ITPR1: variants seen among roughly 807,000 people sequenced by gnomAD.
ITPR1 encodes inositol 1,4,5-trisphosphate-gated calcium channel ITPR1.
A neutral mutation model predicts 318.4 loss-of-function variants in ITPR1; 96 were observed. The ratio of observed to expected loss-of-function variants is 0.30; its 90% CI spans 0.26 to 0.36. The LOEUF is 0.36. Ranked by LOEUF, ITPR1 falls within the 10% of genes least tolerant of loss-of-function variation. The probability of loss-of-function intolerance (pLI) is 1.00; values close to 1 mark genes in which losing one functional copy is unlikely to be tolerated. For synonymous variants in ITPR1, 1,312 were observed against 1,289.9 expected (o/e 1.02, Z -0.37); for missense variants, 2,440 against 3,460.2 (o/e 0.71, Z 7.40).
intron 4 of ITPR1, among the ~76,000 whole-genome samples, chr3:4,528,248 G>A (rs1261691091): frequency 5.3e-5 from 8 of 152,158 alleles, no homozygotes; most frequent in South Asian, 2.1e-4. Context: ...TATTAGTGGC[G>A]GAAACAGGCA....
At chr3:4,652,826 G>A (rs964753522) in intron 11 of ITPR1, among the ~76,000 whole-genome samples, 4 of 152,026 alleles carry the variant, frequency 2.6e-5, no homozygotes, top group Admixed American at 6.6e-5. Context: ...GTGAAACCCC[G>A]TCTCTACAAA....
At chr3:4,521,230 T>A in intron 4 of ITPR1, 136 bp downstream of exon 4, 1 of 654,246 alleles carries the variant, frequency 1.5e-6, no homozygotes, top group Non-Finnish European at 2.7e-6. Context: ...TGATTTGAGT[T>A]CTAAGCTTTA....
At chr3:4,649,554 T>G (rs903899703) in intron 10 of ITPR1, among the ~76,000 whole-genome samples, 3 of 152,210 alleles carry the variant, frequency 2.0e-5, no homozygotes, top group Non-Finnish European at 4.4e-5. Context: ...CTAATCTACT[T>G]CCTATCTCTG....
chr3:4,498,912 T>G (rs900236877), intron 2 of ITPR1, among the ~76,000 whole-genome samples: 1 of 152,236 alleles, frequency 6.6e-6, no homozygotes, highest in Non-Finnish European at 1.5e-5. Flanking sequence ...AATTAGAAGC[T>G]TCACATCAGT....
intron 2 of ITPR1, among the ~76,000 whole-genome samples, chr3:4,509,004 G>C (rs188405364): frequency 3.2e-4 from 49 of 152,322 alleles, no homozygotes; most frequent in African/African-American, 1.2e-3. Flanking sequence ...ACAGGACAGA[G>C]GTGAGTGAAG....
chr3:4,739,129 C>T (rs925299293), intron 44 of ITPR1, among the ~76,000 whole-genome samples: 1 of 152,194 alleles, frequency 6.6e-6, no homozygotes, highest in African/African-American at 2.4e-5. Context: ...AACCTTGAAG[C>T]CCCAGGGGGA....
intron 4 of ITPR1, among the ~76,000 whole-genome samples, chr3:4,611,982 C>G (rs1264752259): frequency 6.6e-6 from 1 of 151,634 alleles, no homozygotes; most frequent in East Asian, 1.9e-4. Flanking sequence ...CAAAAATACT[C>G]AGAAACCACC....
chr3:4,701,979 G>A (rs1176142697), intron 35 of ITPR1, among the ~76,000 whole-genome samples: 5 of 151,680 alleles, frequency 3.3e-5, no homozygotes, highest in Non-Finnish European at 5.9e-5. Flanking sequence ...ATTAACTTCC[G>A]CTGTTTTTAG....
Position 4,710,193 on chromosome 3 carries a change from G to A in ITPR1, c.4843-132G>A. 1.3e-6 allele frequency: 1 copy of A among 742,078 alleles called. No individual in the cohort carries two copies. Among genetic ancestry groups the A allele is most frequent in the Non-Finnish European group, 1.9e-6 (1 of 514,302 alleles). 46.0% of individuals were successfully genotyped at this position (742,078 alleles called of 1,614,324 possible). The stretch of plus-strand genomic sequence containing the variant: ...TGGGCAATGTCTAATAATTTGAGAT[G>A]CCAGACGGTACTAAAGTTACTCTAA... On this transcript the variant is annotated intron_variant, in intron 37 of 61. Transcript: ENST00000649015. This position sits in a 1 kb window ranked among gnomAD's most constrained non-coding sequence, Gnocchi z 4.2.
At chr3:4,726,552 A>T (rs2042530888) in intron 41 of ITPR1, among the ~76,000 whole-genome samples, 1 of 152,240 alleles carries the variant, frequency 6.6e-6, no homozygotes, top group South Asian at 2.1e-4. Flanking sequence ...TAAAAATGAA[A>T]CATGAACAAA....
At chr3:4,559,838 A>G (rs949673185) in intron 4 of ITPR1, among the ~76,000 whole-genome samples, 1 of 152,208 alleles carries the variant, frequency 6.6e-6, no homozygotes, top group Non-Finnish European at 1.5e-5. Context: ...GACAGCCTGT[A>G]TAGGAACAAG....
chr3:4,713,876 G>T (rs2041567580), intron 39 of ITPR1, among the ~76,000 whole-genome samples: 1 of 152,150 alleles, frequency 6.6e-6, no homozygotes, highest in Admixed American at 6.5e-5. Flanking sequence ...ACAAACTATA[G>T]GCCAGCAAGG....
chr3:4,744,543 C>G lies in ITPR1; in HGVS notation c.5544+9189C>G, dbSNP rs552427866. ...CTGCAGTTTTTCCTTTGGGATTGTC[C>G]TAACTGCTTTCCTGCTTCAGGGGCA... On this transcript the variant is annotated intron_variant, in intron 44 of 61. Coordinates refer to ENST00000649015, the MANE Select transcript of ITPR1 (RefSeq NM_001378452.1). Among the ~76,000 whole-genome samples, 10 of 152,308 alleles carry G rather than the reference C, an allele frequency of 6.6e-5. 1 individual carries two copies. Among genetic ancestry groups the G allele is most frequent in the Admixed American group, 6.5e-4 (10 of 15,304 alleles).
intron 4 of ITPR1, among the ~76,000 whole-genome samples, chr3:4,534,514 C>G (rs1482745594): frequency 6.6e-6 from 1 of 152,154 alleles, no homozygotes; most frequent in Non-Finnish European, 1.5e-5. Flanking sequence ...TTTCAAAGAA[C>G]CCACGTGTTT....
At chr3:4,660,402 GA>G (rs1442209731) in intron 13 of ITPR1, among the ~76,000 whole-genome samples, 1 of 148,588 alleles carries the variant, frequency 6.7e-6, no homozygotes, top group Non-Finnish European at 1.5e-5. Context: ...AGGCTATGGT[GA>G]TTTTTTTTCA....
In ITPR1 at chr3:4,693,539, C is replaced by T; in HGVS notation, c.4079C>T (p.Ser1360Phe). The T allele has an allele frequency of 6.2e-7, 1 of 1,614,002 alleles. No individual in the cohort carries two copies. The highest frequency in any genetic ancestry group is 8.5e-7 in the Non-Finnish European group (1 of 1,179,864). ...CTCGTGTTCTACAACGACAGAGCCT[C>T]TTTCCAGACTCTGATCCAGATGATG... ...DVLVFYNDRA[S>F]FQTLIQMMRS... Residue 1360 changes from serine to phenylalanine, a missense_variant, in exon 33 of 62, where the codon TCT (serine) becomes TTT (phenylalanine). Physicochemically the swap from Ser to Phe is radical, Grantham distance 155 (BLOSUM62 -2). Around this residue, in one of 23 missense-constraint regions of ITPR1, gnomAD observed 222 missense variants for 318.8 expected, o/e 0.70. Coordinates refer to ENST00000649015, the MANE Select transcript of ITPR1 (RefSeq NM_001378452.1).
At position 4,684,259 on chromosome 3, in the gene ITPR1, TTG is replaced by T; in HGVS notation, c.3499-18_3499-17del. ...AGCCCAAGAGTTGTACAGATCACAC[TTG>T]TGTTCACTTTGGTTTCTAGGAGGGA... On this transcript the variant is annotated intron_variant, in intron 28 of 61. Coordinates refer to ENST00000649015, the MANE Select transcript of ITPR1 (RefSeq NM_001378452.1). 6.4e-7 allele frequency: 1 copy of T among 1,562,232 alleles called. No individual in the cohort carries two copies. The highest frequency in any genetic ancestry group is 1.4e-5 in the African/African-American group (1 of 73,982).
At chr3:4,558,002 A>G (rs972973997) in intron 4 of ITPR1, among the ~76,000 whole-genome samples, 2 of 152,194 alleles carry the variant, frequency 1.3e-5, no homozygotes, top group Non-Finnish European at 2.9e-5. Context: ...TCTCTTTCCT[A>G]CAAGAACATC....
At chr3:4,813,402 C>G (rs2049069754) in intron 57 of ITPR1, among the ~76,000 whole-genome samples, 168 bp downstream of exon 57, 1 of 152,146 alleles carries the variant, frequency 6.6e-6, no homozygotes, top group South Asian at 2.1e-4. Context: ...AAGGTTACAC[C>G]TGAAGAAAAG....
Sources: gnomAD v4.1 joint callset for allele counts (sites outside exome capture counted in the v4.1 genomes callset) on GRCh38, gnomAD v4.1.1 for gene constraint, gnomAD v4.1.1 regional missense constraint, Gnocchi (gnomAD v3.1) non-coding constraint, MANE v1.5 for transcripts, NCBI Gene and HGNC (gene_info 2026-07-23, HGNC 2026-07-21) for gene names.